Variants in FAM167A observed in about 807,000 individuals in gnomAD.
FAM167A encodes family with sequence similarity 167 member A, also known as protein FAM167A.
A neutral mutation model predicts 14.9 loss-of-function variants in FAM167A; 23 were observed. The ratio of observed to expected loss-of-function variants is 1.55; its 90% CI spans 1.11 to 2.19. The LOEUF is 2.19. Ranked by LOEUF, FAM167A falls within the 30% of genes most tolerant of loss-of-function variation. FAM167A has a pLI of 0.00. For missense variants in FAM167A, 401 were observed against 281.5 expected (o/e 1.42, Z -3.04); for synonymous variants, 174 against 117.7 (o/e 1.48, Z -3.10).
chr8:11,426,605 C>T (rs929805606), intron 2 of FAM167A, among the ~76,000 whole-genome samples: 2 of 152,024 alleles, frequency 1.3e-5, no homozygotes, highest in Admixed American at 1.3e-4. Context: ...CAGGTCTATG[C>T]CTTTCCTCAA....
Position 11,444,110 on chromosome 8 carries a change from C to T in FAM167A, c.302G>A (p.Gly101Asp). 1 of 1,613,462 alleles carries T rather than the reference C, an allele frequency of 6.2e-7. No homozygotes were observed. The highest frequency in any genetic ancestry group is 8.5e-7 in the Non-Finnish European group (1 of 1,180,020). ...HPPSARSASQ[G>D]ARPLSTGKLE... is the part of the protein sequence containing the mutation. ...CTTGCCAGTGGACAGGGGTCTGGCACCTTGGCTGGCACTCCTGGCAGAAGG... is the reference window on the plus strand; with the variant it reads ...CTTGCCAGTGGACAGGGGTCTGGCATCTTGGCTGGCACTCCTGGCAGAAGG... The change falls in exon 2 of 3, where the codon GGT becomes GAT. Residue 101 changes from glycine to aspartate, a missense_variant. By Grantham distance (94) the Gly-to-Asp change is moderately conservative (BLOSUM62 -1). Transcript: ENST00000284486.
At chr8:11,469,694 C>G (rs983776564), upstream of FAM167A, among the ~76,000 whole-genome samples, 1 of 147,162 alleles carries the variant, frequency 6.8e-6, no homozygotes, top group African/African-American at 2.5e-5. Context: ...TGGTGAGACC[C>G]CACTTCTACA....
At chr8:11,431,917 A>AAAAAAAAAAAAG (rs752330983) in intron 2 of FAM167A, among the ~76,000 whole-genome samples, 2 of 99,498 alleles carry the variant, frequency 2.0e-5, no homozygotes, top group Non-Finnish European at 2.0e-5. Context: ...AAAAAAAAAA[A>AAAAAAAAAAAAG]AAGGATTTTG....
In FAM167A at chr8:11,462,158, G is replaced by A. The variant is rs1807566182; in HGVS notation, c.-398+4468C>T. The stretch of plus-strand genomic sequence containing the variant: ...GTGTCAGCTTGCGCTGGAGGTACTT[G>A]GCTGCTGAAGCCTCCCGGGTTCACA... On this transcript the variant is annotated intron_variant, in intron 1 of 2. Coordinates refer to ENST00000284486, the MANE Select transcript of FAM167A (RefSeq NM_053279.3). Among the ~76,000 whole-genome samples the A allele has an allele frequency of 1.3e-5, 2 of 152,240 alleles. 1 individual carries two copies. The highest frequency in any genetic ancestry group is 4.1e-4 in the South Asian group (2 of 4,826).
At chr8:11,446,570 A>T (rs1240641913) in intron 1 of FAM167A, 1 of 152,250 alleles carries the variant, frequency 6.6e-6, no homozygotes, top group Non-Finnish European at 1.5e-5. Context: ...AGTTGGGATC[A>T]GATGGCCTAG....
At chr8:11,438,197 G>C (rs765061555) in intron 2 of FAM167A, 1 of 451,784 alleles carries the variant, frequency 2.2e-6, no homozygotes, top group Non-Finnish European at 4.5e-6. Flanking sequence ...GAATCGCCAT[G>C]AGCTGCTATT....
chr8:11,431,112 G>A (rs1053339560), intron 2 of FAM167A, among the ~76,000 whole-genome samples: 1 of 152,204 alleles, frequency 6.6e-6, no homozygotes, highest in Non-Finnish European at 1.5e-5. Context: ...GTACATCCAC[G>A]TTCACAATCA....
chr8:11,442,637 C>T (rs1289151448), intron 2 of FAM167A, among the ~76,000 whole-genome samples: 1 of 152,038 alleles, frequency 6.6e-6, no homozygotes, highest in Non-Finnish European at 1.5e-5. Context: ...CAAAGAGCAG[C>T]TGGGGGCTGT....
chr8:11,458,909 A>C (rs1192457401), intron 1 of FAM167A, among the ~76,000 whole-genome samples: 1 of 152,264 alleles, frequency 6.6e-6, no homozygotes, highest in Non-Finnish European at 1.5e-5. Flanking sequence ...CTTGCCATCA[A>C]GAGAGGCTGG....
In FAM167A at chr8:11,456,370, G is replaced by C. The variant is rs1321332411; in HGVS notation, c.-398+10256C>G. Among the ~76,000 whole-genome samples, 11 of 148,934 alleles carry C rather than the reference G, an allele frequency of 7.4e-5. 1 individual carries two copies. The highest frequency in any genetic ancestry group is 2.8e-4 in the African/African-American group (11 of 39,840). On this transcript the variant is annotated intron_variant, in intron 1 of 2. Coordinates refer to ENST00000284486, the MANE Select transcript of FAM167A (RefSeq NM_053279.3). ...GTTGCCCTGCTGGGTGTGTGTGTGGGGTGGTTGCCCTGCCTGGTGTGTGTG... is the reference window on the plus strand; with the variant it reads ...GTTGCCCTGCTGGGTGTGTGTGTGGCGTGGTTGCCCTGCCTGGTGTGTGTG...
intron 1 of FAM167A, chr8:11,446,493 C>G (rs796487411): frequency 7.9e-5 from 12 of 152,308 alleles, no homozygotes; most frequent in African/African-American, 2.9e-4. Flanking sequence ...CAGCAGTGTT[C>G]AGCTCCCCCG....
chr8:11,422,383 T>G lies in FAM167A; in HGVS notation c.*1990A>C, dbSNP rs1025058547. 160 of 126,026 alleles carry G rather than the reference T, an allele frequency of 1.3e-3. 1 individual carries two copies. Among genetic ancestry groups the G allele is most frequent in the Admixed American group, 4.4e-3 (57 of 12,856 alleles). The allele number at this position is 126,026 out of a possible 1,614,324, so 7.8% of individuals were successfully genotyped here. ...GTGTGTGTGTGTGGGGGTGTGTGTG[T>G]GTGTGTGTGTGTGTGTGTGTGTAGG... On this transcript the variant is annotated 3_prime_UTR_variant, in exon 3 of 3. Transcript: ENST00000284486.
chr8:11,456,787 T>C (rs191118784), intron 1 of FAM167A, among the ~76,000 whole-genome samples: 312 of 128,372 alleles, frequency 2.4e-3, no homozygotes, highest in Admixed American at 4.7e-3. Flanking sequence ...GGAGTGCGGC[T>C]GGCTAAGGGA....
At chr8:11,429,649 A>C (rs2117006125) in intron 2 of FAM167A, among the ~76,000 whole-genome samples, 1 of 152,254 alleles carries the variant, frequency 6.6e-6, no homozygotes, top group East Asian at 1.9e-4. Flanking sequence ...TCTGGACCAC[A>C]CTCGGGCCTG....
chr8:11,453,054 G>C (rs1807089320), intron 1 of FAM167A, among the ~76,000 whole-genome samples: 1 of 152,276 alleles, frequency 6.6e-6, no homozygotes, highest in African/African-American at 2.4e-5. Flanking sequence ...CCTGAGCCTG[G>C]GGACTTGGAC....
At chr8:11,473,080 CA>C (rs1197242597) in intron 1 of FAM167A, among the ~76,000 whole-genome samples, 1 of 152,240 alleles carries the variant, frequency 6.6e-6, no homozygotes, top group African/African-American at 2.4e-5. Flanking sequence ...CCTTGACCTG[CA>C]GGCAAGACCA....
At chr8:11,472,437 G>GTTTT (rs113039104), upstream of FAM167A, among the ~76,000 whole-genome samples, 134 of 122,466 alleles carry the variant, frequency 1.1e-3, 2 homozygotes, top group African/African-American at 1.5e-3. Flanking sequence ...TGTTTTTTGG[G>GTTTT]TTTTTTTTTT....
At position 11,431,336 on chromosome 8, in the gene FAM167A, G is replaced by A. The variant is rs183949573; in HGVS notation, c.382-6700C>T. Among the ~76,000 whole-genome samples, 65 of 152,322 alleles carry A rather than the reference G, an allele frequency of 4.3e-4. 1 individual carries two copies. The highest frequency in any genetic ancestry group is 9.6e-4 in the African/African-American group (40 of 41,568). On this transcript the variant is annotated intron_variant, in intron 2 of 2. Transcript: ENST00000284486. ...ATTCCACTTAGAAGAGGTTCCTAGC[G>A]TAGTCCAATTCATAGTGATGGAAAG...
intron 2 of FAM167A, among the ~76,000 whole-genome samples, chr8:11,436,192 G>A (rs1331621644): frequency 6.6e-6 from 1 of 152,228 alleles, no homozygotes. Context: ...ACGTCAAAGG[G>A]CTGGTAATGC....
Sources: gnomAD v4.1 joint callset for allele counts (sites outside exome capture counted in the v4.1 genomes callset) on GRCh38, gnomAD v4.1.1 for gene constraint, MANE v1.5 for transcripts, NCBI Gene and HGNC (gene_info 2026-07-23, HGNC 2026-07-21) for gene names.